The following PHEX variants were observed in gnomAD, a reference collection of about 807,000 sequenced individuals.
The protein encoded by PHEX is phosphate-regulating neutral endopeptidase PHEX.
PHEX carries 16 observed loss-of-function variants against 68.0 expected under a neutral mutation model. The observed-to-expected ratio is 0.24, with a 90% CI of 0.16 to 0.36. The LOEUF is 0.36. Among genes scored for constraint, PHEX ranks in the 10% least tolerant of loss-of-function variants. The pLI, the probability that PHEX is intolerant of heterozygous loss-of-function variation, is 1.00. For synonymous variants in PHEX, 208 were observed against 205.1 expected (o/e 1.01, Z -0.12); for missense variants, 480 against 575.5 (o/e 0.83, Z 1.70).
At chrX:22,189,436 A>G (rs1934128599) in intron 14 of PHEX, among the ~76,000 whole-genome samples, 3 of 111,754 alleles carry the variant, frequency 2.7e-5, no homozygotes, top group Non-Finnish European at 5.6e-5. Flanking sequence ...ATAGGCATAT[A>G]TTAGAAATAA....
At chrX:22,113,619 G>A (rs1391812997) in intron 10 of PHEX, among the ~76,000 whole-genome samples, 1 of 111,401 alleles carries the variant, frequency 9.0e-6, no homozygotes, top group Admixed American at 9.6e-5. Context: ...GTTTTTTGCT[G>A]TGACACAATG....
At chrX:22,225,325 T>TTTA (rs1195920195) in intron 18 of PHEX, among the ~76,000 whole-genome samples, 1 of 111,473 alleles carries the variant, frequency 9.0e-6, no homozygotes, top group African/African-American at 3.3e-5. Context: ...TTTGCCATGC[T>TTTA]TTATTTTTCC....
intron 20 of PHEX, among the ~76,000 whole-genome samples, chrX:22,228,414 CTAAG>C (rs1423488797): frequency 2.9e-4 from 33 of 112,016 alleles, no homozygotes; most frequent in African/African-American, 1.0e-3. Context: ...GCTTTCACTG[CTAAG>C]TAAGCTCATT....
At chrX:22,037,406 A>T (rs896216737) in intron 1 of PHEX, among the ~76,000 whole-genome samples, 4 of 111,309 alleles carry the variant, frequency 3.6e-5, no homozygotes, top group African/African-American at 1.3e-4. Context: ...CAAATGATTC[A>T]TTGTTTCTGC....
chrX:22,175,336 C>G (rs750891390), intron 13 of PHEX, among the ~76,000 whole-genome samples: 29 of 106,992 alleles, frequency 2.7e-4, no homozygotes, highest in African/African-American at 9.8e-4. Context: ...GGACCCTTTT[C>G]TTCTTTACAA....
At chrX:22,166,291 C>G (rs1374876272) in intron 12 of PHEX, among the ~76,000 whole-genome samples, 1 of 111,532 alleles carries the variant, frequency 9.0e-6, no homozygotes, top group East Asian at 2.8e-4. Flanking sequence ...ATATTTAGCT[C>G]TCTCTTAGCT....
rs191171144 is a variant in PHEX at position 22,217,206 on chromosome X, T to C, written c.1701-1830T>C. 2.7e-5 allele frequency among the ~76,000 whole-genome samples: 3 copies of C among 112,280 alleles called. No individual in the cohort carries two copies. The Admixed American group carries it at 2.8e-4, about 11-fold the overall frequency. On this transcript the variant is annotated intron_variant, in intron 16 of 21. Transcript: ENST00000379374. ...CTAAATGTTGCAATCTGCACACTGA[T>C]AGCTACTGCCGCAAAAATTAACACT... is the stretch of plus-strand genomic sequence containing the variant.
intron 3 of PHEX, among the ~76,000 whole-genome samples, chrX:22,049,208 A>G (rs1927694241): frequency 9.0e-6 from 1 of 111,404 alleles, no homozygotes; most frequent in Admixed American, 9.6e-5. Flanking sequence ...TCCTGGGTTC[A>G]AACGAGCGAT....
intron 18 of PHEX, among the ~76,000 whole-genome samples, chrX:22,225,119 T>A (rs1416550178): frequency 8.4e-5 from 9 of 106,627 alleles, no homozygotes; most frequent in African/African-American, 3.1e-4. Flanking sequence ...CTGCCCACAT[T>A]CCTTAGCTCA....
intron 15 of PHEX, among the ~76,000 whole-genome samples, chrX:22,192,394 T>G (rs1934226383): frequency 8.9e-6 from 1 of 111,882 alleles, no homozygotes; most frequent in South Asian, 3.7e-4. Flanking sequence ...AATATAATAT[T>G]GTAGCGATTT....
At chrX:22,201,307 G>A (rs1934545020) in intron 15 of PHEX, among the ~76,000 whole-genome samples, 1 of 111,121 alleles carries the variant, frequency 9.0e-6, no homozygotes. Context: ...CTCCTGAGCA[G>A]CTGGGACTAC....
intron 12 of PHEX, among the ~76,000 whole-genome samples, chrX:22,137,227 G>A (rs928203675): frequency 1.8e-5 from 2 of 111,630 alleles, no homozygotes; most frequent in Non-Finnish European, 3.8e-5. Context: ...TCTCCAGCTG[G>A]ATTTGACTAT....
At chrX:22,097,942 AT>A (rs1464719327) in intron 8 of PHEX, 1 of 174,723 alleles carries the variant, frequency 5.7e-6, no homozygotes, top group Non-Finnish European at 1.1e-5. Context: ...TAATTTTTGT[AT>A]TTTTGATAGA....
At chrX:22,219,994 A>G (rs1018497335) in intron 17 of PHEX, among the ~76,000 whole-genome samples, 1 of 112,403 alleles carries the variant, frequency 8.9e-6, no homozygotes, top group African/African-American at 3.2e-5. Flanking sequence ...ATGACATTTA[A>G]GCAAAAAGAA....
chrX:22,106,794 A>AC (rs1930716426), intron 9 of PHEX, among the ~76,000 whole-genome samples: 2 of 108,085 alleles, frequency 1.9e-5, no homozygotes, highest in Non-Finnish European at 3.8e-5. Context: ...AAAAAAAAAA[A>AC]AACCAAATAG....
intron 14 of PHEX, among the ~76,000 whole-genome samples, chrX:22,184,603 G>A (rs930626327): frequency 8.9e-6 from 1 of 111,757 alleles, no homozygotes; most frequent in African/African-American, 3.3e-5. Context: ...ATCCCTGAAG[G>A]TACATATTTA....
chrX:22,245,385 G>T lies in PHEX; in HGVS notation c.2123G>T (p.Gly708Val). The stretch of plus-strand genomic sequence containing the variant: ...GCTGCCCGAGAACAAGTCCAAATTG[G>T]TGCTCACAGTCCCCCTCAGTTTAGG... ...PEAAREQVQI[G>V]AHSPPQFRVN... The change falls in exon 21 of 22, where the codon GGT becomes GTT. Residue 708 changes from glycine to valine, a missense_variant. Transcript: ENST00000379374. 1 of 1,204,623 alleles carries T rather than the reference G, an allele frequency of 8.3e-7. No individual in the cohort carries two copies. Among genetic ancestry groups the T allele is most frequent in the Non-Finnish European group, 1.1e-6 (1 of 889,187 alleles).
chrX:22,149,423 C>T lies in PHEX; in HGVS notation c.1404+15799C>T, dbSNP rs572943349. 2.7e-5 allele frequency among the ~76,000 whole-genome samples: 3 copies of T among 112,693 alleles called. No individual in the cohort carries two copies. In the South Asian group the frequency reaches 1.1e-3, roughly 41 times the overall value. The stretch of plus-strand genomic sequence containing the variant: ...AAAGCTAGTTTACAAGTTTATGGAA[C>T]AATTCAGCTTGTTCTTCCAGGCTCT... On this transcript the variant is annotated intron_variant, in intron 12 of 21. Transcript: ENST00000379374.
intron 5 of PHEX, among the ~76,000 whole-genome samples, chrX:22,079,697 T>C (rs1252869401): frequency 9.0e-6 from 1 of 111,661 alleles, no homozygotes; most frequent in Non-Finnish European, 1.9e-5. Context: ...GATCCCCCTA[T>C]TTTTGTTTTT....
Sources: gnomAD v4.1 joint callset for allele counts (sites outside exome capture counted in the v4.1 genomes callset) on GRCh38, gnomAD v4.1.1 for gene constraint, MANE v1.5 for transcripts, NCBI Gene and HGNC (gene_info 2026-07-23, HGNC 2026-07-21) for gene names.